The following NAV2 variants were observed in gnomAD, a reference collection of about 807,000 sequenced individuals.
NAV2 encodes the protein neuron navigator 2.
NAV2 carries 54 observed loss-of-function variants against 223.2 expected under a neutral mutation model. That is an observed-to-expected ratio of 0.24 (90% confidence interval 0.19 to 0.30). The LOEUF is 0.30. Ranked by LOEUF, NAV2 falls within the 10% of genes least tolerant of loss-of-function variation. The pLI is 1.00. For synonymous variants in NAV2, 1,279 were observed against 1,239.3 expected (o/e 1.03, Z -0.67); for missense variants, 2,806 against 3,147.5 (o/e 0.89, Z 2.60).
At chr11:20,066,852 C>T (rs1375214749) in intron 20 of NAV2, among the ~76,000 whole-genome samples, 4 of 152,202 alleles carry the variant, frequency 2.6e-5, no homozygotes, top group South Asian at 4.1e-4. Context: ...TCCCAAGTCA[C>T]TCTTCCCTCC....
At chr11:19,667,464 C>T (rs1309904298) in intron 1 of NAV2, among the ~76,000 whole-genome samples, 6 of 152,156 alleles carry the variant, frequency 3.9e-5, no homozygotes, top group Non-Finnish European at 7.4e-5. Flanking sequence ...TTTGGGGGCA[C>T]GAGGAGGTGA....
At chr11:19,543,431 T>C (rs961788293) in intron 1 of NAV2, among the ~76,000 whole-genome samples, 1 of 152,200 alleles carries the variant, frequency 6.6e-6, no homozygotes, top group Non-Finnish European at 1.5e-5. Flanking sequence ...ACTGGGCTTT[T>C]TGTGTTTGTT....
intron 6 of NAV2, among the ~76,000 whole-genome samples, chr11:19,911,552 T>A (rs570971268): frequency 9.5e-4 from 144 of 152,286 alleles, no homozygotes; most frequent in Non-Finnish European, 1.8e-4. Flanking sequence ...GTTCAATAAA[T>A]CCTTGTTGAA....
At chr11:19,809,061 A>G (rs928868996) in intron 1 of NAV2, among the ~76,000 whole-genome samples, 2 of 152,200 alleles carry the variant, frequency 1.3e-5, no homozygotes, top group African/African-American at 2.4e-5. Context: ...TTTGGGCACA[A>G]ATAGTTCTTT....
chr11:19,846,257 G>A (rs1275765578), intron 3 of NAV2, among the ~76,000 whole-genome samples: 1 of 152,180 alleles, frequency 6.6e-6, no homozygotes, highest in Non-Finnish European at 1.5e-5. Context: ...ATCATCCATT[G>A]ATTGTACCAA....
At chr11:20,053,412 G>A (rs558781735) in intron 17 of NAV2, among the ~76,000 whole-genome samples, 1 of 152,216 alleles carries the variant, frequency 6.6e-6, no homozygotes, top group Admixed American at 6.5e-5. Flanking sequence ...TGAGGCTTTG[G>A]TAAGATAATG....
intron 6 of NAV2, among the ~76,000 whole-genome samples, chr11:19,913,791 G>A (rs112598235): frequency 3.5e-4 from 54 of 152,158 alleles, no homozygotes; most frequent in African/African-American, 1.1e-3. Context: ...TTGATCAAAC[G>A]ATAGTTACCT....
At chr11:19,717,531 G>T (rs2050400407) in intron 1 of NAV2, among the ~76,000 whole-genome samples, 1 of 152,240 alleles carries the variant, frequency 6.6e-6, no homozygotes, top group South Asian at 2.1e-4. Context: ...GAAGAGCAAG[G>T]TCATGCAGTG....
At chr11:19,849,950 C>T (rs560743428) in intron 3 of NAV2, among the ~76,000 whole-genome samples, 17 of 152,246 alleles carry the variant, frequency 1.1e-4, no homozygotes, top group South Asian at 2.1e-4. Context: ...TCATTGCCTT[C>T]CCATTTCCCT....
intron 4 of NAV2, among the ~76,000 whole-genome samples, chr11:19,877,467 A>ATTCTTTTTTTTTTTTTCTTTTTTCTT (rs60299464): frequency 4.0e-5 from 3 of 75,836 alleles, no homozygotes; most frequent in African/African-American, 1.9e-4. Context: ...GCTTATCTTC[A>ATTCTTTTTTTTTTTTTCTTTTTTCTT]TTCTTTTTTT....
intron 1 of NAV2, among the ~76,000 whole-genome samples, chr11:19,509,029 G>T (rs1215923434): frequency 6.6e-6 from 1 of 152,188 alleles, no homozygotes; most frequent in Non-Finnish European, 1.5e-5. Flanking sequence ...ACATTTCAGG[G>T]CTTGTGTTTC....
At chr11:19,690,953 C>A (rs1404174367) in intron 1 of NAV2, among the ~76,000 whole-genome samples, 1 of 152,216 alleles carries the variant, frequency 6.6e-6, no homozygotes, top group Non-Finnish European at 1.5e-5. Context: ...CTGCCACACC[C>A]CTCAAAGCTG....
chr11:19,762,820 G>A (rs551797945), intron 1 of NAV2, among the ~76,000 whole-genome samples: 9 of 152,066 alleles, frequency 5.9e-5, no homozygotes, highest in African/African-American at 1.9e-4. Flanking sequence ...CACCATGTTA[G>A]CCAGGATGGT....
chr11:20,121,147 T>C lies in NAV2; in HGVS notation c.*2889T>C, dbSNP rs1248714949. On this transcript the variant is annotated 3_prime_UTR_variant, in exon 38 of 38. Coordinates refer to ENST00000349880, the MANE Select transcript of NAV2 (RefSeq NM_145117.5). ...TTGATGCTTAAACTTCAAAATTCTCTGTATTCAAATTTGATTGTGGCGAAT... is the reference window on the plus strand; with the variant it reads ...TTGATGCTTAAACTTCAAAATTCTCCGTATTCAAATTTGATTGTGGCGAAT... 1 of 152,626 alleles carries C rather than the reference T, an allele frequency of 6.6e-6. No individual in the cohort carries two copies. The highest frequency in any genetic ancestry group is 1.5e-5 in the Non-Finnish European group (1 of 68,044). 9.5% of individuals were successfully genotyped at this position (152,626 alleles called of 1,614,324 possible).
chr11:19,804,093 C>T (rs1271669925), intron 1 of NAV2, among the ~76,000 whole-genome samples: 2 of 152,140 alleles, frequency 1.3e-5, no homozygotes, highest in Non-Finnish European at 2.9e-5. Context: ...AGCCAGACCT[C>T]ATGCACTAAA....
At chr11:19,694,939 G>A (rs79842555) in intron 1 of NAV2, among the ~76,000 whole-genome samples, 1 of 152,168 alleles carries the variant, frequency 6.6e-6, no homozygotes, top group African/African-American at 2.4e-5. Flanking sequence ...CCCTTTCAAG[G>A]TTCCCTTGGC....
intron 1 of NAV2, among the ~76,000 whole-genome samples, chr11:19,810,955 C>G (rs144090825): frequency 4.1e-4 from 62 of 152,338 alleles, no homozygotes; most frequent in African/African-American, 1.5e-3. Context: ...TCAACTCCCT[C>G]AAGACAATAG....
chr11:20,016,116 A>G (rs1435031917), intron 11 of NAV2, among the ~76,000 whole-genome samples: 7 of 152,370 alleles, frequency 4.6e-5, no homozygotes, highest in Non-Finnish European at 7.3e-5. Flanking sequence ...TAAAGCTTAT[A>G]AAGTTTAATT....
At chr11:19,722,801 G>C (rs908107773) in intron 1 of NAV2, among the ~76,000 whole-genome samples, 2 of 152,184 alleles carry the variant, frequency 1.3e-5, no homozygotes, top group Non-Finnish European at 2.9e-5. Flanking sequence ...GTGATGGTGG[G>C]TGGCCAAGCG....
Sources: allele counts gnomAD v4.1 joint callset (sites outside exome capture counted in the v4.1 genomes callset), GRCh38; gene constraint gnomAD v4.1.1; transcripts MANE v1.5; gene names NCBI Gene and HGNC (gene_info 2026-07-23, HGNC 2026-07-21).